SLC17A4: variants seen among roughly 807,000 people sequenced by gnomAD.
The protein encoded by SLC17A4 is probable small intestine urate exporter.
In SLC17A4, 33 loss-of-function variants were observed where a neutral mutation model predicts 52.5. That is an observed-to-expected ratio of 0.63 (90% CI 0.48 to 0.84). The LOEUF is 0.84. SLC17A4 is among the 40% of genes least tolerant of loss of function. SLC17A4 has a pLI of 0.00. For synonymous variants in SLC17A4, 225 were observed against 216.2 expected (o/e 1.04, Z -0.36); for missense variants, 585 against 597.1 (o/e 0.98, Z 0.21).
At position 25,777,978 on chromosome 6, in the gene SLC17A4, G is replaced by A. The variant is rs1349443372; in HGVS notation, c.1321G>A (p.Ala441Thr). 3 of 1,612,838 alleles carry A rather than the reference G, an allele frequency of 1.9e-6. No individual in the cohort carries two copies. The highest frequency in any genetic ancestry group is 1.3e-5 in the African/African-American group (1 of 74,880). The change falls in exon 11 of 12, where the codon GCC becomes ACC. Residue 441 changes from alanine to threonine, a missense_variant. Ala to Thr is a moderately conservative substitution (Grantham distance 58, BLOSUM62 0). Coordinates refer to ENST00000377905, the MANE Select transcript of SLC17A4 (RefSeq NM_005495.3). ...GCAAGTCTTTGCACACATAGCTGGA[G>A]CCATCTCTCCTACTGCTGCTGGATT... The part of the protein sequence containing the change: ...LLQVFAHIAG[A>T]ISPTAAGFFI...
At position 25,776,697 on chromosome 6, in the gene SLC17A4, A is replaced by C; in HGVS notation, c.1090A>C (p.Ile364Leu). 1 of 1,613,974 alleles carries C rather than the reference A, an allele frequency of 6.2e-7. No individual in the cohort carries two copies. Among genetic ancestry groups the C allele is most frequent in the South Asian group, 1.1e-5 (1 of 91,076 alleles). Residue 364 changes from isoleucine (I) to leucine (L), a missense_variant, in exon 9 of 12, where the codon ATC (isoleucine) becomes CTC (leucine). Coordinates refer to ENST00000377905, the MANE Select transcript of SLC17A4 (RefSeq NM_005495.3). ...TCTCTCCAGAAAAATCCTCAGACTC[A>C]TCACCATCAGGAAACTCTTCACTGC... ...FLLSRKILRL[I>L]TIRKLFTAIG...
chr6:25,767,342 C>T (rs939374460), intron 2 of SLC17A4, among the ~76,000 whole-genome samples: 1 of 152,002 alleles, frequency 6.6e-6, no homozygotes, highest in Non-Finnish European at 1.5e-5. Context: ...AAGAGATCAT[C>T]CCAATAATAC....
chr6:25,760,190 A>G (rs937420169), intron 1 of SLC17A4, among the ~76,000 whole-genome samples: 2 of 152,244 alleles, frequency 1.3e-5, no homozygotes, highest in East Asian at 3.8e-4. Flanking sequence ...TGTCCTTGAT[A>G]GCAAAGCGAA....
At position 25,776,801 on chromosome 6, in the gene SLC17A4, T is replaced by G; in HGVS notation, c.1121-11T>G. On this transcript the variant is annotated splice_polypyrimidine_tract_variant and intron_variant, in intron 9 of 11. Transcript: ENST00000377905. ...CCTTCAGTTTACTCTGTGTTTGTCC[T>G]CCTACCCCAGGGGTTCTCTTCCCAT... The G allele has an allele frequency of 6.2e-7, 1 of 1,613,984 alleles. No individual in the cohort carries two copies. Among genetic ancestry groups the G allele is most frequent in the Non-Finnish European group, 8.5e-7 (1 of 1,179,896 alleles).
Position 25,770,218 on chromosome 6 carries a change from T to G in SLC17A4, c.449T>G (p.Phe150Cys), listed in dbSNP as rs745738447. The change falls in exon 4 of 12, where the codon TTC (phenylalanine) becomes TGC (cysteine). Residue 150 changes from phenylalanine (F) to cysteine (C), a missense_variant. By Grantham distance (205) the Phe-to-Cys change is radical (BLOSUM62 -2). Transcript: ENST00000377905. ...VVGAGLFISS[F>C]LTLFIPLAAN... is the part of the protein sequence containing the mutation. The stretch of plus-strand genomic sequence containing the variant: ...GGTGCTGGCTTGTTTATTTCCTCAT[T>G]CCTGACCCTCTTCATTCCACTGGCA... 7.4e-6 allele frequency: 12 copies of G among 1,613,990 alleles called. No individual in the cohort carries two copies.
intron 10 of SLC17A4, 41 bp from the exon 11 acceptor site, chr6:25,777,885 G>C (rs1199080455): frequency 6.6e-7 from 1 of 1,525,750 alleles, no homozygotes. Context: ...TTCAAACGTA[G>C]GTATACTTGG....
chr6:25,777,850 C>T (rs1225579849), intron 10 of SLC17A4, 76 bp from the exon 11 acceptor site: 10 of 1,192,586 alleles, frequency 8.4e-6, no homozygotes, highest in South Asian at 1.2e-5. Context: ...GGAATATTTG[C>T]CTCCCTCTCC....
intron 3 of SLC17A4, 118 bp downstream of exon 3, chr6:25,769,308 GGAATGGCA>G: frequency 1.0e-6 from 1 of 965,400 alleles, no homozygotes; most frequent in Non-Finnish European, 1.5e-6. Flanking sequence ...CTATGTGCCA[GGAATGGCA>G]CAAGTACCTA....
chr6:25,774,858 G>GC (rs1291502779), intron 8 of SLC17A4, among the ~76,000 whole-genome samples: 3 of 152,240 alleles, frequency 2.0e-5, no homozygotes, highest in African/African-American at 7.2e-5. Context: ...AACCTTGACA[G>GC]CCTCGGCTTA....
intron 2 of SLC17A4, among the ~76,000 whole-genome samples, chr6:25,763,317 G>C (rs985199235): frequency 6.6e-6 from 1 of 152,058 alleles, no homozygotes; most frequent in Non-Finnish European, 1.5e-5. Context: ...ATCCTGTTTT[G>C]GTAGTCTCAT....
At position 25,776,923 on chromosome 6, in the gene SLC17A4, C is replaced by T; in HGVS notation, c.1232C>T (p.Ser411Leu). 6.2e-7 allele frequency: 1 copy of T among 1,613,662 alleles called. No homozygotes were observed. The highest frequency in any genetic ancestry group is 1.1e-5 in the South Asian group (1 of 91,034). The change falls in exon 10 of 12, where the codon TCA becomes TTA. Residue 411 changes from serine to leucine, a missense_variant. Physicochemically the swap from Ser to Leu is moderately radical, Grantham distance 145. Transcript: ENST00000377905. ...LSSAISSFCESGALVNFLDIA... is the reference protein window; with the variant it reads ...LSSAISSFCELGALVNFLDIA... ...TCTGCCATCAGCAGCTTCTGTGAAT[C>T]AGGAGCCCTTGTTAACTTCTTGGAT...
chr6:25,765,473 A>G (rs1232564134), intron 2 of SLC17A4, among the ~76,000 whole-genome samples: 1 of 152,236 alleles, frequency 6.6e-6, no homozygotes, highest in Non-Finnish European at 1.5e-5. Flanking sequence ...TAGCTTTTAC[A>G]TCACACTGCT....
At position 25,768,980 on chromosome 6, in the gene SLC17A4, C is replaced by T; in HGVS notation, c.92-5C>T. On this transcript the variant is annotated splice_region_variant and splice_polypyrimidine_tract_variant and intron_variant, in intron 2 of 11. Transcript: ENST00000377905. The stretch of plus-strand genomic sequence containing the variant: ...TTGTGATTTTTCATGCCCTTTTCCT[C>T]TCAGGTTTTTGTTCAGTCCGACATG... 1 of 1,613,872 alleles carries T rather than the reference C, an allele frequency of 6.2e-7. No individual in the cohort carries two copies. The highest frequency in any genetic ancestry group is 1.1e-5 in the South Asian group (1 of 91,070).
intron 8 of SLC17A4, among the ~76,000 whole-genome samples, chr6:25,775,156 C>T (rs1334544909): frequency 6.6e-6 from 1 of 151,900 alleles, no homozygotes; most frequent in Non-Finnish European, 1.5e-5. Flanking sequence ...ATGGTGAACC[C>T]CCTGTCTCTA....
intron 8 of SLC17A4, among the ~76,000 whole-genome samples, chr6:25,774,901 G>A (rs1055295561): frequency 3.3e-5 from 5 of 152,242 alleles, no homozygotes; most frequent in African/African-American, 1.2e-4. Flanking sequence ...TGAACCAGGT[G>A]AGTGCTGAAT....
intron 2 of SLC17A4, chr6:25,768,316 C>G: frequency 1.1e-6 from 1 of 948,114 alleles, no homozygotes; most frequent in East Asian, 1.2e-4. Context: ...TCATACATTA[C>G]CTCTGGGATT....
chr6:25,778,032 C>CTGATGAATAGTCA lies in SLC17A4; in HGVS notation c.1359+25_1359+26insGTCATGATGAATA. The stretch of plus-strand genomic sequence containing the variant: ...CATCAGTCAGGTGAGGTCAAATGTT[C>CTGATGAATAGTCA]TGATGAATATTCATAAAAGAAACCT... On this transcript the variant is annotated intron_variant, in intron 11 of 11. Transcript: ENST00000377905. 6.3e-7 allele frequency: 1 copy of CTGATGAATAGTCA among 1,589,246 alleles called. No homozygotes were observed. Among genetic ancestry groups the CTGATGAATAGTCA allele is most frequent in the Non-Finnish European group, 8.6e-7 (1 of 1,161,598 alleles).
intron 2 of SLC17A4, among the ~76,000 whole-genome samples, chr6:25,766,136 G>T: frequency 1.3e-5 from 2 of 149,706 alleles, no homozygotes; most frequent in African/African-American, 2.4e-5. Flanking sequence ...AAATATAATT[G>T]AATTATAATT....
chr6:25,768,479 A>G (rs566214485), intron 2 of SLC17A4: 1 of 680,344 alleles, frequency 1.5e-6, no homozygotes, highest in Non-Finnish European at 1.8e-6. Context: ...AAATACTTCT[A>G]TGATCTAACC....
Sources: gnomAD v4.1 joint callset for allele counts (sites outside exome capture counted in the v4.1 genomes callset) on GRCh38, gnomAD v4.1.1 for gene constraint, MANE v1.5 for transcripts, NCBI Gene and HGNC (gene_info 2026-07-23, HGNC 2026-07-21) for gene names.